TSHZ2: variants seen among roughly 807,000 people sequenced by gnomAD.
TSHZ2 encodes teashirt zinc finger homeobox 2.
TSHZ2 carries 21 observed loss-of-function variants against 74.4 expected under a neutral mutation model. That is an observed-to-expected ratio of 0.28 (90% CI 0.20 to 0.41). The LOEUF (loss-of-function observed/expected upper bound fraction) is 0.41, where lower values mean the gene tolerates loss of function less well. TSHZ2 is among the 10% of genes least tolerant of loss of function. The pLI, the probability that TSHZ2 is intolerant of heterozygous loss-of-function variation, is 1.00. For synonymous variants in TSHZ2, 540 were observed against 515.3 expected, an observed-to-expected ratio of 1.05 and a Z score of -0.65; for missense variants, 1,244 against 1,293.5, an observed-to-expected ratio of 0.96 and a Z score of 0.59.
At chr20:52,988,130 T>C (rs1445415269) in intron 1 of TSHZ2, among the ~76,000 whole-genome samples, 1 of 152,106 alleles carries the variant, frequency 6.6e-6, no homozygotes, top group Non-Finnish European at 1.5e-5. Context: ...ATAAAAACGA[T>C]GATGGTGCTA....
chr20:52,977,919 A>T (rs1981407460), intron 1 of TSHZ2, among the ~76,000 whole-genome samples: 1 of 152,110 alleles, frequency 6.6e-6, no homozygotes, highest in Admixed American at 6.5e-5. Flanking sequence ...GGGGAGAAAC[A>T]TTCCTCAGAA....
intron 2 of TSHZ2, among the ~76,000 whole-genome samples, chr20:53,285,386 A>AT (rs1991145344): frequency 6.6e-6 from 1 of 152,038 alleles, no homozygotes; most frequent in African/African-American, 2.4e-5. Context: ...ACTTTATGAA[A>AT]TTTTTTTGCA....
chr20:53,066,456 G>A (rs182886477), intron 1 of TSHZ2, among the ~76,000 whole-genome samples: 7 of 152,130 alleles, frequency 4.6e-5, no homozygotes, highest in African/African-American at 1.7e-4. Flanking sequence ...GAGGTGAAGT[G>A]GACCTCCGGC....
At chr20:53,359,201 T>C (rs987434778) in intron 2 of TSHZ2, among the ~76,000 whole-genome samples, 1 of 152,202 alleles carries the variant, frequency 6.6e-6, no homozygotes, top group Middle Eastern at 3.2e-3. Flanking sequence ...AAATTTGCTT[T>C]TGTAGATAAA....
At chr20:53,025,155 T>C (rs1414209819) in intron 1 of TSHZ2, among the ~76,000 whole-genome samples, 2 of 151,268 alleles carry the variant, frequency 1.3e-5, no homozygotes, top group African/African-American at 4.8e-5. Flanking sequence ...CTATATATTA[T>C]TATATATTTT....
intron 1 of TSHZ2, among the ~76,000 whole-genome samples, chr20:53,247,640 G>T (rs996048415): frequency 5.9e-5 from 9 of 152,236 alleles, no homozygotes; most frequent in African/African-American, 2.2e-4. Flanking sequence ...GTACCTACTG[G>T]GTACACGCTG....
At chr20:53,039,931 C>T (rs1156326263) in intron 1 of TSHZ2, among the ~76,000 whole-genome samples, 1 of 152,086 alleles carries the variant, frequency 6.6e-6, no homozygotes, top group African/African-American at 2.4e-5. Context: ...CACAGTGAAA[C>T]CCTGTCTCTA....
chr20:53,353,863 C>A (rs1052299443), intron 2 of TSHZ2, among the ~76,000 whole-genome samples: 59 of 152,252 alleles, frequency 3.9e-4, no homozygotes, highest in African/African-American at 1.3e-3. Flanking sequence ...TTAACATGAA[C>A]TTTTCATAGA....
rs1462446137 is a variant in TSHZ2, at chr20:52,998,272, G to A, written c.40+24939G>A. Among the ~76,000 whole-genome samples the A allele has an allele frequency of 7.9e-5, 12 of 152,210 alleles. No individual in the cohort carries two copies. In the East Asian group the frequency reaches 1.5e-3, roughly 20 times the overall value. ...CAGCCTCTGTCTCCCAGGTTCAAGC[G>A]ATTCTCCTGCCTCAGCCTCCTGACT... On this transcript the variant is annotated intron_variant, in intron 1 of 2. Coordinates refer to ENST00000371497, the MANE Select transcript of TSHZ2 (RefSeq NM_173485.6).
At chr20:53,460,715 G>A (rs567006797) in intron 2 of TSHZ2, among the ~76,000 whole-genome samples, 2,572 of 152,302 alleles carry the variant, frequency 0.017, 41 homozygotes, top group Middle Eastern at 0.031. Context: ...GTGATGTACA[G>A]ATGGGTTTTT....
At chr20:53,196,392 A>AAAAAAAAAAAG (rs71194463) in intron 1 of TSHZ2, 2 of 132,322 alleles carry the variant, frequency 1.5e-5, no homozygotes, top group African/African-American at 2.9e-5. Context: ...AAAAAAAAAA[A>AAAAAAAAAAAG]TGTGCTTTCA....
intron 1 of TSHZ2, among the ~76,000 whole-genome samples, chr20:53,010,437 C>A (rs74905974): frequency 5.9e-4 from 90 of 152,248 alleles, no homozygotes; most frequent in Non-Finnish European, 1.2e-3. Context: ...ACTAGTAACT[C>A]AGAGTGGAAA....
At chr20:53,198,491 C>G (rs1453919152) in intron 1 of TSHZ2, among the ~76,000 whole-genome samples, 1 of 152,162 alleles carries the variant, frequency 6.6e-6, no homozygotes, top group Non-Finnish European at 1.5e-5. Flanking sequence ...AAATTGAGGT[C>G]ACATAGCTGA....
At chr20:53,098,688 T>C (rs746214593) in intron 1 of TSHZ2, among the ~76,000 whole-genome samples, 2 of 152,250 alleles carry the variant, frequency 1.3e-5, no homozygotes, top group Non-Finnish European at 2.9e-5. Context: ...AATTTCCCTC[T>C]CAGTTCCTGC....
chr20:53,400,666 T>G (rs1416796230), intron 2 of TSHZ2, among the ~76,000 whole-genome samples: 2 of 152,176 alleles, frequency 1.3e-5, no homozygotes, highest in Admixed American at 1.3e-4. Context: ...TTCAATGGCT[T>G]CCTCTAATGG....
chr20:52,975,501 T>TGGTGTGTGTGGGTGTGTGGG (rs1210138161), intron 1 of TSHZ2, among the ~76,000 whole-genome samples: 5 of 147,716 alleles, frequency 3.4e-5, no homozygotes, highest in Non-Finnish European at 5.9e-5. Flanking sequence ...GCTAGTTTAT[T>TGGTGTGTGTGGGTGTGTGGG]GGTGTGTGTG....
At chr20:52,981,827 A>G (rs1336663195) in intron 1 of TSHZ2, among the ~76,000 whole-genome samples, 1 of 152,158 alleles carries the variant, frequency 6.6e-6, no homozygotes, top group Non-Finnish European at 1.5e-5. Context: ...TTTACATACC[A>G]CGTGCTTTAT....
chr20:53,463,881 G>T (rs1339499315), intron 2 of TSHZ2, among the ~76,000 whole-genome samples: 2 of 152,190 alleles, frequency 1.3e-5, no homozygotes, highest in Admixed American at 6.5e-5. Flanking sequence ...CCTCTATCTT[G>T]AGGATTAAAT....
chr20:53,485,660 C>T (rs1487241065), intron 2 of TSHZ2, among the ~76,000 whole-genome samples: 2 of 151,432 alleles, frequency 1.3e-5, no homozygotes, highest in Non-Finnish European at 2.9e-5. Context: ...AATGAACCCA[C>T]ATCGTGCCAC....
Sources: gnomAD v4.1 joint callset for allele counts (sites outside exome capture counted in the v4.1 genomes callset) on GRCh38, gnomAD v4.1.1 for gene constraint, MANE v1.5 for transcripts, NCBI Gene and HGNC (gene_info 2026-07-23, HGNC 2026-07-21) for gene names.